Variants in SLC30A3 observed in about 807,000 individuals in gnomAD.
SLC30A3 encodes the protein solute carrier family 30 member 3, also known as probable proton-coupled zinc antiporter SLC30A3.
A neutral mutation model predicts 35.6 loss-of-function variants in SLC30A3; 20 were observed. The ratio of observed to expected loss-of-function variants is 0.56; its 90% CI spans 0.39 to 0.82. The LOEUF (loss-of-function observed/expected upper bound fraction) is 0.82, where lower values mean the gene tolerates loss of function less well. Among genes scored for constraint, SLC30A3 ranks in the 40% least tolerant of loss-of-function variants. The probability of loss-of-function intolerance (pLI) is 0.00; values close to 1 mark genes in which losing one functional copy is unlikely to be tolerated. For synonymous variants in SLC30A3, 217 were observed against 224.7 expected (o/e 0.97, Z 0.31); for missense variants, 401 against 530.6 (o/e 0.76, Z 2.40).
At position 27,262,573 on chromosome 2, in the gene SLC30A3, CGGA is replaced by C. The variant is rs1179624224; in HGVS notation, c.95+236_95+238del. On this transcript the variant is annotated intron_variant, in intron 1 of 7. Coordinates refer to ENST00000233535, the MANE Select transcript of SLC30A3 (RefSeq NM_003459.5). This position sits in a 1 kb window ranked among gnomAD's most constrained non-coding sequence, Gnocchi z 7.5. The stretch of plus-strand genomic sequence containing the variant: ...GGGTCCGGCGGCCTGGGACGCCGGC[CGGA>C]GGGGAGTGAGAGGCCGCTTCACCCG... Among the ~76,000 whole-genome samples the C allele has an allele frequency of 6.6e-6, 1 of 152,036 alleles. No homozygotes were observed. Among genetic ancestry groups the C allele is most frequent in the Non-Finnish European group, 1.5e-5 (1 of 67,974 alleles).
chr2:27,258,592 C>A lies in SLC30A3; in HGVS notation c.277+161G>T. Reference sequence around the variant, plus strand: ...CGGCTGGAATTCCCTTTGTTGCTGTCCCTTATCCCTCCTACTTCCTGAGTC... The same window carrying A: ...CGGCTGGAATTCCCTTTGTTGCTGTACCTTATCCCTCCTACTTCCTGAGTC... On this transcript the variant is annotated intron_variant, in intron 2 of 7. Coordinates refer to ENST00000233535, the MANE Select transcript of SLC30A3 (RefSeq NM_003459.5). The surrounding 1 kb of genome is among the most constrained non-coding windows in gnomAD (Gnocchi z 4.0). The A allele has an allele frequency of 1.3e-6, 1 of 793,724 alleles. No homozygotes were observed. Among genetic ancestry groups the A allele is most frequent in the Non-Finnish European group, 2.0e-6 (1 of 499,714 alleles). 49.2% of individuals were successfully genotyped at this position (793,724 alleles called of 1,614,324 possible). A position where few individuals can be genotyped will look rare whatever the true frequency, so the allele number is the denominator to read the frequency against.
At chr2:27,263,157 AAG>A, upstream of SLC30A3, 1 of 1,225,046 alleles carries the variant, frequency 8.2e-7, no homozygotes, top group Non-Finnish European at 1.0e-6. Flanking sequence ...CCCCACCCTT[AAG>A]CCCCGCCCCC....
At chr2:27,264,722 T>A (rs900807503), upstream of SLC30A3, among the ~76,000 whole-genome samples, 10 of 152,056 alleles carry the variant, frequency 6.6e-5, no homozygotes, top group African/African-American at 1.9e-4. This position sits in a 1 kb window ranked among gnomAD's most constrained non-coding sequence, Gnocchi z 6.1. Flanking sequence ...CCCTCTAACC[T>A]CCCTTTAAGG....
At chr2:27,264,988 G>A (rs972893777), upstream of SLC30A3, among the ~76,000 whole-genome samples, 1 of 152,234 alleles carries the variant, frequency 6.6e-6, no homozygotes, top group Non-Finnish European at 1.5e-5. The surrounding 1 kb of genome is among the most constrained non-coding windows in gnomAD (Gnocchi z 6.1). Context: ...AGCGGCCACC[G>A]CGCACTCCGC....
intron 1 of SLC30A3, among the ~76,000 whole-genome samples, chr2:27,261,704 C>T (rs1158720642): frequency 1.3e-5 from 2 of 152,110 alleles, no homozygotes; most frequent in African/African-American, 4.8e-5. Context: ...CAACCAACAA[C>T]CGATATTGAG....
chr2:27,258,669 C>A lies in SLC30A3; in HGVS notation c.277+84G>T. 6.8e-7 allele frequency: 1 copy of A among 1,480,856 alleles called. No homozygotes were observed. Among genetic ancestry groups the A allele is most frequent in the Non-Finnish European group, 9.4e-7 (1 of 1,068,722 alleles). The allele number at this position is 1,480,856 out of a possible 1,614,324, so 91.7% of individuals were successfully genotyped here. A position where few individuals can be genotyped will look rare whatever the true frequency, so the allele number is the denominator to read the frequency against. On this transcript the variant is annotated intron_variant, in intron 2 of 7. Coordinates refer to ENST00000233535, the MANE Select transcript of SLC30A3 (RefSeq NM_003459.5). This position sits in a 1 kb window ranked among gnomAD's most constrained non-coding sequence, Gnocchi z 4.0. Reference sequence around the variant, plus strand: ...CCATCCCCATCTCTGCATCTGCACCCAGGAACATTCCTGGGACTCTGGGTG... The same window carrying A: ...CCATCCCCATCTCTGCATCTGCACCAAGGAACATTCCTGGGACTCTGGGTG...
intron 1 of SLC30A3, among the ~76,000 whole-genome samples, chr2:27,273,823 A>C (rs1677847335): frequency 6.6e-6 from 1 of 150,788 alleles, no homozygotes; most frequent in Non-Finnish European, 1.5e-5. Context: ...CTCTCTACCC[A>C]GTGCTGGGGA....
rs745399435 is a variant in SLC30A3 at position 27,256,534 on chromosome 2, C to G, written c.884-14G>C. On this transcript the variant is annotated splice_polypyrimidine_tract_variant and intron_variant, in intron 6 of 7. Coordinates refer to ENST00000233535, the MANE Select transcript of SLC30A3 (RefSeq NM_003459.5). ...TGCGGGGGGTACCTGCAACCAGCAC[C>G]AGTCATGCCTTACTGCTAGGGCTAC... 6.2e-7 allele frequency: 1 copy of G among 1,613,940 alleles called. No homozygotes were observed.
upstream of SLC30A3, chr2:27,275,370 A>G (rs1677968775): frequency 2.1e-6 from 1 of 487,780 alleles, no homozygotes; most frequent in Non-Finnish European, 3.6e-6. Context: ...TGCGCGCGAA[A>G]TAAGTCCCAG....
upstream of SLC30A3, among the ~76,000 whole-genome samples, chr2:27,267,310 C>A (rs1461820441): frequency 6.6e-6 from 1 of 152,188 alleles, no homozygotes; most frequent in Non-Finnish European, 1.5e-5. Context: ...CTATTCTCAA[C>A]CAAGCAGTTA....
upstream of SLC30A3, among the ~76,000 whole-genome samples, chr2:27,266,060 CTTTT>C (rs1237606332): frequency 2.9e-5 from 4 of 136,704 alleles, no homozygotes. Flanking sequence ...CTGTTTTGTT[CTTTT>C]TTTTTTTTTT....
intron 7 of SLC30A3, 120 bp downstream of exon 7, chr2:27,256,266 C>G (rs1676845039): frequency 9.4e-6 from 11 of 1,167,476 alleles, no homozygotes; most frequent in East Asian, 2.5e-5. Flanking sequence ...GAGAGAGAGA[C>G]ACAGAGAAAC....
chr2:27,269,603 T>C (rs779271886), intron 1 of SLC30A3, among the ~76,000 whole-genome samples: 1 of 151,588 alleles, frequency 6.6e-6, no homozygotes, highest in Non-Finnish European at 1.5e-5. Context: ...CAAAGCACAG[T>C]TGTGACAGCA....
At position 27,262,993 on chromosome 2, in the gene SLC30A3, C is replaced by T. The variant is rs1572482466; in HGVS notation, c.-87G>A. On this transcript the variant is annotated 5_prime_UTR_variant, in exon 1 of 8. Coordinates refer to ENST00000233535, the MANE Select transcript of SLC30A3 (RefSeq NM_003459.5). This position sits in a 1 kb window ranked among gnomAD's most constrained non-coding sequence, Gnocchi z 7.5. ...GCCAAGTCCGAGCAGCCCGCCGACC[C>T]CCGGGATCCCCGCAGGGCGGCGGGG... 1 of 1,420,348 alleles carries T rather than the reference C, an allele frequency of 7.0e-7. No individual in the cohort carries two copies. Among genetic ancestry groups the T allele is most frequent in the African/African-American group, 1.5e-5 (1 of 65,392 alleles). The allele number at this position is 1,420,348 out of a possible 1,614,324, so 88.0% of individuals were successfully genotyped here.
At chr2:27,259,441 C>G (rs541478559) in intron 1 of SLC30A3, among the ~76,000 whole-genome samples, 1 of 151,282 alleles carries the variant, frequency 6.6e-6, no homozygotes, top group African/African-American at 2.4e-5. Flanking sequence ...TGCAGTGAGC[C>G]GAGATCGTGC....
Position 27,256,405 on chromosome 2 carries a change from G to A in SLC30A3, c.999C>T (p.Ala333=), listed in dbSNP as rs1242509580. The change falls in exon 7 of 8, where the codon GCC becomes GCT. Residue 333 remains alanine (A), a synonymous_variant. Coordinates refer to ENST00000233535, the MANE Select transcript of SLC30A3 (RefSeq NM_003459.5). ...ACTCACCGATGGCCAGGTGTGCAGA[G>A]GCAACATGGTAAGTGAGCGTAAGGG... ...LWALTLTYHV[A]SAHLAIDSTA... is the part of the protein sequence containing the mutation. The A allele has an allele frequency of 4.3e-6, 7 of 1,614,158 alleles. No homozygotes were observed. The highest frequency in any genetic ancestry group is 5.9e-6 in the Non-Finnish European group (7 of 1,180,026).
chr2:27,256,354 G>A (rs1676850679), intron 7 of SLC30A3, 32 bp downstream of exon 7: 4 of 1,612,412 alleles, frequency 2.5e-6, no homozygotes, highest in African/African-American at 1.3e-5. Context: ...GTATGTTCCA[G>A]GTAGTAACTA....
Position 27,257,027 on chromosome 2 carries a change from G to A in SLC30A3, c.777+127C>T. The A allele has an allele frequency of 8.6e-7, 1 of 1,160,314 alleles. No individual in the cohort carries two copies. Among genetic ancestry groups the A allele is most frequent in the East Asian group, 2.3e-5 (1 of 42,628 alleles). The allele number at this position is 1,160,314 out of a possible 1,614,324, so 71.9% of individuals were successfully genotyped here. The stretch of plus-strand genomic sequence containing the variant: ...GGGACAGGGAACATGACTCATGTCT[G>A]GGAGAGTCCTGGGAGGTGGGAGGGA... On this transcript the variant is annotated intron_variant, in intron 5 of 7. Transcript: ENST00000233535. This position sits in a 1 kb window ranked among gnomAD's most constrained non-coding sequence, Gnocchi z 4.7.
chr2:27,275,564 A>G (rs1053404514), upstream of SLC30A3: 1 of 313,130 alleles, frequency 3.2e-6, no homozygotes, highest in Non-Finnish European at 6.2e-6. Flanking sequence ...GTAAAGGGCC[A>G]GACCCAGGTG....
Sources: allele counts gnomAD v4.1 joint callset (sites outside exome capture counted in the v4.1 genomes callset), GRCh38; gene constraint gnomAD v4.1.1; non-coding constraint Gnocchi (gnomAD v3.1); transcripts MANE v1.5; gene names NCBI Gene and HGNC (gene_info 2026-07-23, HGNC 2026-07-21).